THEM6: variants seen among roughly 807,000 people sequenced by gnomAD.
THEM6 encodes the protein thioesterase superfamily member 6, also known as protein THEM6.
THEM6 carries 10 observed loss-of-function variants against 13.7 expected under a neutral mutation model. The observed-to-expected ratio is 0.73, with a 90% CI of 0.45 to 1.24. The LOEUF is 1.24. Ranked by LOEUF, THEM6 falls within the 50% of genes most tolerant of loss-of-function variation. The pLI is 0.00. For synonymous variants in THEM6, 161 were observed against 156.0 expected, an observed-to-expected ratio of 1.03 and a Z score of -0.24; for missense variants, 317 against 312.6, an observed-to-expected ratio of 1.01 and a Z score of -0.11.
chr8:142,729,296 C>T (rs768171923), intron 1 of THEM6, among the ~76,000 whole-genome samples: 4 of 152,196 alleles, frequency 2.6e-5, no homozygotes, highest in Non-Finnish European at 2.9e-5. Context: ...AATTTAATTT[C>T]CTCAGCAAGG....
chr8:142,731,552 G>A (rs1815646514), intron 1 of THEM6, among the ~76,000 whole-genome samples: 1 of 151,848 alleles, frequency 6.6e-6, no homozygotes, highest in Non-Finnish European at 1.5e-5. Context: ...TGCCTTTTAC[G>A]CTATTTCTTT....
At chr8:142,733,939 T>C (rs1024935057) in intron 1 of THEM6, among the ~76,000 whole-genome samples, 4 of 152,234 alleles carry the variant, frequency 2.6e-5, no homozygotes, top group African/African-American at 7.2e-5. Context: ...AGAGCTATTA[T>C]CAGTAGAAAG....
Position 142,735,307 on chromosome 8 carries a change from C to T in THEM6, c.514-19C>T. 1 of 1,536,224 alleles carries T rather than the reference C, an allele frequency of 6.5e-7. No individual in the cohort carries two copies. Among genetic ancestry groups the T allele is most frequent in the Non-Finnish European group, 8.8e-7 (1 of 1,133,858 alleles). On this transcript the variant is annotated intron_variant, in intron 1 of 1. Coordinates refer to ENST00000336138, the MANE Select transcript of THEM6 (RefSeq NM_016647.3). The stretch of plus-strand genomic sequence containing the variant: ...GAAGGCCGTAGCTTAGCTGGGTGTC[C>T]CCTTTCTGTCCTCTGCAGGTGGAGC...
rs200783896 is a variant in THEM6, at chr8:142,727,719, G to T, written c.373G>T (p.Gly125Cys). Residue 125 changes from glycine to cysteine, a missense_variant, in exon 1 of 2, where the codon GGC becomes TGC. By Grantham distance (159) the Gly-to-Cys change is radical. Coordinates refer to ENST00000336138, the MANE Select transcript of THEM6 (RefSeq NM_016647.3). Reference sequence around the variant, plus strand: ...CTTCGAGGTGCGCACCCGCCTGCTGGGCTGGGACGACCGCGCGTTCTACCT... The same window carrying T: ...CTTCGAGGTGCGCACCCGCCTGCTGTGCTGGGACGACCGCGCGTTCTACCT... ...EPFEVRTRLL[G>C]WDDRAFYLEA... The T allele has an allele frequency of 4.2e-5, 61 of 1,438,586 alleles. No homozygotes were observed. In the Admixed American group the frequency reaches 1.2e-3, roughly 28 times the overall value. 89.1% of individuals were successfully genotyped at this position (1,438,586 alleles called of 1,614,324 possible).
At chr8:142,728,401 A>G (rs1815564252) in intron 1 of THEM6, among the ~76,000 whole-genome samples, 1 of 152,192 alleles carries the variant, frequency 6.6e-6, no homozygotes, top group Non-Finnish European at 1.5e-5. Flanking sequence ...GAGGAGGGCC[A>G]TGCACCTCCC....
In THEM6 at chr8:142,735,472, A is replaced by T. The variant is rs376636629; in HGVS notation, c.*33A>T. On this transcript the variant is annotated 3_prime_UTR_variant, in exon 2 of 2. Transcript: ENST00000336138. ...CTTCACACCGTCTGCCCTGGCCACC[A>T]TCCTGGGCCTGGGGGCTGCCCACAG... 2.1e-5 allele frequency: 31 copies of T among 1,471,418 alleles called. No individual in the cohort carries two copies. The Admixed American group carries it at 6.1e-4, about 29-fold the overall frequency. The allele number at this position is 1,471,418 out of a possible 1,614,324, so 91.1% of individuals were successfully genotyped here. A position where few individuals can be genotyped will look rare whatever the true frequency, so the allele number is the denominator to read the frequency against.
Position 142,735,555 on chromosome 8 carries a change from C to T in THEM6, c.*116C>T, listed in dbSNP as rs1815740718. 1 of 724,908 alleles carries T rather than the reference C, an allele frequency of 1.4e-6. No homozygotes were observed. The highest frequency in any genetic ancestry group is 1.6e-5 in the South Asian group (1 of 61,248). 44.9% of individuals were successfully genotyped at this position (724,908 alleles called of 1,614,324 possible). A position where few individuals can be genotyped will look rare whatever the true frequency, so the allele number is the denominator to read the frequency against. ...GGAGTAGCCTCCTGACCAGCCTGGC[C>T]CACCCTGCTCCACCCACTGGGCCCC... On this transcript the variant is annotated 3_prime_UTR_variant, in exon 2 of 2. Transcript: ENST00000336138.
Position 142,735,514 on chromosome 8 carries a change from A to G in THEM6, c.*75A>G. 8.5e-7 allele frequency: 1 copy of G among 1,172,276 alleles called. No homozygotes were observed. Among genetic ancestry groups the G allele is most frequent in the Non-Finnish European group, 1.2e-6 (1 of 809,856 alleles). 72.6% of individuals were successfully genotyped at this position (1,172,276 alleles called of 1,614,324 possible). ...TGCCCACAGATGGGCAGTCTCAGCC[A>G]TACTCTGTTCCAGCTGGAGTAGCCT... On this transcript the variant is annotated 3_prime_UTR_variant, in exon 2 of 2. Transcript: ENST00000336138.
chr8:142,732,618 T>C (rs1815674371), intron 1 of THEM6, among the ~76,000 whole-genome samples: 1 of 152,074 alleles, frequency 6.6e-6, no homozygotes, highest in South Asian at 2.1e-4. Context: ...GGAAGTACTT[T>C]ACCAGCTTCT....
chr8:142,732,028 CT>C (rs1243124184), intron 1 of THEM6, among the ~76,000 whole-genome samples: 1 of 151,114 alleles, frequency 6.6e-6, no homozygotes, highest in East Asian at 1.9e-4. Context: ...GTCTGCTGGT[CT>C]TTCCTTTGTC....
Position 142,727,608 on chromosome 8 carries a change from C to A in THEM6, c.262C>A (p.Leu88Ile). 1 of 1,504,684 alleles carries A rather than the reference C, an allele frequency of 6.6e-7. No individual in the cohort carries two copies. Among genetic ancestry groups the A allele is most frequent in the Admixed American group, 2.1e-5 (1 of 47,530 alleles). 93.2% of individuals were successfully genotyped at this position (1,504,684 alleles called of 1,614,324 possible). ...CGCGCACCTGACCCGCTGCGGGGTG[C>A]TCGGGGCGCTGAGGGAGTTGCGGGC... is the stretch of plus-strand genomic sequence containing the variant. Reference protein sequence around the residue: ...RVAHLTRCGVLGALRELRAHT... With the variant: ...RVAHLTRCGVIGALRELRAHT... The change falls in exon 1 of 2, where the codon CTC (leucine) becomes ATC (isoleucine). Residue 88 changes from leucine (L) to isoleucine (I), a missense_variant. Leu to Ile is a conservative substitution (Grantham distance 5). Transcript: ENST00000336138.
rs1422437010 is a variant in THEM6 at position 142,735,511 on chromosome 8, G to C, written c.*72G>C. 3.5e-5 allele frequency: 41 copies of C among 1,183,094 alleles called. No homozygotes were observed. Among genetic ancestry groups the C allele is most frequent in the Non-Finnish European group, 4.6e-5 (38 of 819,316 alleles). 73.3% of individuals were successfully genotyped at this position (1,183,094 alleles called of 1,614,324 possible). On this transcript the variant is annotated 3_prime_UTR_variant, in exon 2 of 2. Coordinates refer to ENST00000336138, the MANE Select transcript of THEM6 (RefSeq NM_016647.3). The stretch of plus-strand genomic sequence containing the variant: ...GGCTGCCCACAGATGGGCAGTCTCA[G>C]CCATACTCTGTTCCAGCTGGAGTAG...
chr8:142,735,560 C>G lies in THEM6; in HGVS notation c.*121C>G, dbSNP rs587634113. On this transcript the variant is annotated 3_prime_UTR_variant, in exon 2 of 2. Coordinates refer to ENST00000336138, the MANE Select transcript of THEM6 (RefSeq NM_016647.3). ...AGCCTCCTGACCAGCCTGGCCCACC[C>G]TGCTCCACCCACTGGGCCCCCCCAG... is the stretch of plus-strand genomic sequence containing the variant. 5.6e-5 allele frequency: 41 copies of G among 727,530 alleles called. No homozygotes were observed. In the African/African-American group the frequency reaches 6.2e-4, roughly 11 times the overall value. The allele number at this position is 727,530 out of a possible 1,614,324, so 45.1% of individuals were successfully genotyped here. A position where few individuals can be genotyped will look rare whatever the true frequency, so the allele number is the denominator to read the frequency against.
chr8:142,727,975 T>C lies in THEM6; in HGVS notation c.513+116T>C, dbSNP rs587722262. On this transcript the variant is annotated intron_variant, in intron 1 of 1. Transcript: ENST00000336138. The stretch of plus-strand genomic sequence containing the variant: ...GCCCGCTGCCTGCACCTCTTTCGGA[T>C]ACTGCTGGAGTCCTGCCTCTTACCG... The C allele has an allele frequency of 9.1e-6, 11 of 1,211,694 alleles. No homozygotes were observed. The Admixed American group carries it at 1.2e-4, about 13-fold the overall frequency. 75.1% of individuals were successfully genotyped at this position (1,211,694 alleles called of 1,614,324 possible). A position where few individuals can be genotyped will look rare whatever the true frequency, so the allele number is the denominator to read the frequency against.
intron 1 of THEM6, among the ~76,000 whole-genome samples, chr8:142,731,454 T>C (rs1384634744): frequency 1.3e-5 from 2 of 152,242 alleles, no homozygotes; most frequent in African/African-American, 4.8e-5. Context: ...CTAATTACTT[T>C]TAAATTATAC....
At position 142,727,846 on chromosome 8, in the gene THEM6, T is replaced by G; in HGVS notation, c.500T>G (p.Leu167Arg). 7.0e-7 allele frequency: 1 copy of G among 1,428,586 alleles called. No individual in the cohort carries two copies. Among genetic ancestry groups the G allele is most frequent in the Non-Finnish European group, 9.1e-7 (1 of 1,099,864 alleles). The allele number at this position is 1,428,586 out of a possible 1,614,324, so 88.5% of individuals were successfully genotyped here. Residue 167 changes from leucine (L) to arginine (R), a missense_variant, in exon 1 of 2, where the codon CTG (leucine) becomes CGG (arginine). Leu to Arg is a moderately radical substitution (Grantham distance 102). Transcript: ENST00000336138. The part of the protein sequence containing the change: ...GTSPERVVQH[L>R]CQRRVEPPEL... The stretch of plus-strand genomic sequence containing the variant: ...TCACCCGAGCGCGTCGTGCAGCACC[T>G]GTGCCAGCGCAGGGTGAGCGGCCCC...
intron 1 of THEM6, chr8:142,734,789 C>G (rs1815723579): frequency 6.5e-6 from 1 of 154,980 alleles, no homozygotes; most frequent in Non-Finnish European, 1.4e-5. Flanking sequence ...CTGGGAGCTC[C>G]CAATGCCCAT....
At chr8:142,732,946 A>C (rs765991936) in intron 1 of THEM6, among the ~76,000 whole-genome samples, 12 of 152,304 alleles carry the variant, frequency 7.9e-5, no homozygotes, top group African/African-American at 2.9e-4. Flanking sequence ...CATAAATTTA[A>C]TTTACTCAGC....
At chr8:142,728,413 G>T (rs1815564577) in intron 1 of THEM6, among the ~76,000 whole-genome samples, 1 of 152,232 alleles carries the variant, frequency 6.6e-6, no homozygotes, top group African/African-American at 2.4e-5. Flanking sequence ...GCACCTCCCA[G>T]GGCTCGCTCC....
Sources: gnomAD v4.1 joint callset for allele counts (sites outside exome capture counted in the v4.1 genomes callset) on GRCh38, gnomAD v4.1.1 for gene constraint, MANE v1.5 for transcripts, NCBI Gene and HGNC (gene_info 2026-07-23, HGNC 2026-07-21) for gene names.